CCDC3: variants seen among roughly 807,000 people sequenced by gnomAD.
CCDC3 encodes coiled-coil domain containing 3.
A neutral mutation model predicts 21.4 loss-of-function variants in CCDC3; 24 were observed. The observed-to-expected ratio is 1.12, with a 90% CI of 0.81 to 1.58. CCDC3 has a LOEUF of 1.58. Among genes scored for constraint, CCDC3 ranks in the 40% most tolerant of loss-of-function variants. The pLI is 0.00. For missense variants in CCDC3, 425 were observed against 360.9 expected (o/e 1.18, Z -1.44); for synonymous variants, 186 against 166.0 (o/e 1.12, Z -0.93).
At chr10:13,068,227 G>C (rs933586957) in intron 4 of CCDC3, among the ~76,000 whole-genome samples, 13 of 151,968 alleles carry the variant, frequency 8.6e-5, no homozygotes, top group Admixed American at 5.2e-4. Flanking sequence ...TGTTTTTCTG[G>C]CCCTGTCTCT....
chr10:13,084,231 C>T (rs919959311), intron 3 of CCDC3, among the ~76,000 whole-genome samples: 38 of 151,930 alleles, frequency 2.5e-4, no homozygotes, highest in African/African-American at 7.7e-4. Flanking sequence ...CCTTCGGGAA[C>T]GCCCTACCCT....
intron 2 of CCDC3, among the ~76,000 whole-genome samples, chr10:12,935,213 C>T (rs370539483): frequency 8.5e-5 from 13 of 152,262 alleles, no homozygotes; most frequent in South Asian, 6.2e-4. Flanking sequence ...TTATAGACAA[C>T]AGATATTTGG....
At chr10:13,047,467 G>T (rs1836544041) in intron 5 of CCDC3, among the ~76,000 whole-genome samples, 1 of 152,152 alleles carries the variant, frequency 6.6e-6, no homozygotes, top group African/African-American at 2.4e-5. Context: ...TTTGGGGAAA[G>T]CTTTCTATTC....
intron 5 of CCDC3, among the ~76,000 whole-genome samples, chr10:13,046,239 C>G (rs1056458610): frequency 1.3e-5 from 2 of 151,694 alleles, no homozygotes; most frequent in African/African-American, 4.8e-5. Context: ...GACCTCATCT[C>G]TACAACAAAT....
intron 2 of CCDC3, among the ~76,000 whole-genome samples, chr10:12,981,476 G>C (rs777641604): frequency 1.3e-5 from 2 of 152,022 alleles, no homozygotes; most frequent in African/African-American, 4.8e-5. Context: ...GTGAGCCACC[G>C]TGCCCAGCCC....
At chr10:12,988,795 T>A (rs945355348) in intron 2 of CCDC3, among the ~76,000 whole-genome samples, 1 of 152,336 alleles carries the variant, frequency 6.6e-6, no homozygotes, top group Middle Eastern at 3.4e-3. Flanking sequence ...TGTTCCCTTT[T>A]GTATCCCCAG....
chr10:12,919,586 TA>T (rs11413349), intron 2 of CCDC3, among the ~76,000 whole-genome samples: 19 of 130,882 alleles, frequency 1.5e-4, no homozygotes, highest in Admixed American at 1.6e-4. Context: ...CAAGACTGTC[TA>T]AAAAAAAAAA....
At chr10:12,971,739 G>A (rs1042887252) in intron 2 of CCDC3, among the ~76,000 whole-genome samples, 6 of 152,192 alleles carry the variant, frequency 3.9e-5, no homozygotes, top group East Asian at 1.9e-4. Context: ...AGGCTGGAGT[G>A]CAGTGGCGCA....
chr10:13,077,637 C>CTTG (rs1554766170), intron 3 of CCDC3, among the ~76,000 whole-genome samples: 9 of 151,190 alleles, frequency 6.0e-5, no homozygotes, highest in Admixed American at 1.3e-4. Flanking sequence ...ACCAAAACAG[C>CTTG]ACAGTACTGG....
At chr10:12,908,780 A>ATG (rs1421904194) in intron 2 of CCDC3, among the ~76,000 whole-genome samples, 6 of 151,984 alleles carry the variant, frequency 3.9e-5, no homozygotes, top group Middle Eastern at 3.4e-3. Flanking sequence ...TTTAGCAGAG[A>ATG]CAGGGTTTCA....
rs142747936 is a variant in CCDC3 at position 13,056,928 on chromosome 10, C to G, written c.-269-6987G>C. On this transcript the variant is annotated intron_variant, in intron 4 of 6. Transcript: ENST00000378839. The stretch of plus-strand genomic sequence containing the variant: ...CAGCTGAGTATCATGGAAGGCAAGA[C>G]TGGAGTCAAAAGACCTGGGTCCTAG... Among the ~76,000 whole-genome samples, 50 of 152,268 alleles carry G rather than the reference C, an allele frequency of 3.3e-4. No homozygotes were observed. In the East Asian group the frequency reaches 9.5e-3, roughly 29 times the overall value.
At chr10:13,093,338 C>T (rs964134776) in intron 3 of CCDC3, among the ~76,000 whole-genome samples, 2 of 152,028 alleles carry the variant, frequency 1.3e-5, no homozygotes, top group Admixed American at 6.5e-5. Flanking sequence ...TTATTCACTA[C>T]CATGAGAACA....
chr10:12,957,983 C>T (rs147162630), intron 2 of CCDC3, among the ~76,000 whole-genome samples: 153 of 152,242 alleles, frequency 1.0e-3, no homozygotes, highest in Non-Finnish European at 1.7e-3. Context: ...GCTCACACCA[C>T]GTCTGGCTAA....
chr10:13,007,081 A>T (rs495700), intron 5 of CCDC3, among the ~76,000 whole-genome samples: 36 of 152,020 alleles, frequency 2.4e-4, no homozygotes, highest in Admixed American at 1.1e-3. Context: ...CGATGGCATC[A>T]TCCTGTACTA....
At chr10:12,923,719 G>C (rs1268687374) in intron 2 of CCDC3, among the ~76,000 whole-genome samples, 1 of 152,176 alleles carries the variant, frequency 6.6e-6, no homozygotes, top group Non-Finnish European at 1.5e-5. Context: ...CAGCATCTGT[G>C]TTTGACTCCG....
In CCDC3 at chr10:13,010,840, G is replaced by A. The variant is rs182516659; in HGVS notation, c.-1-12328C>T. On this transcript the variant is annotated intron_variant, in intron 5 of 6. Coordinates refer to the CCDC3 transcript ENST00000378839. ...CAGGTGACAGAGTAGTCAAGCAAGT[G>A]GATTTCCTCTACCAATTCATTTGCT... is the stretch of plus-strand genomic sequence containing the variant. 1.3e-3 allele frequency among the ~76,000 whole-genome samples: 197 copies of A among 152,268 alleles called. 1 individual carries two copies. The highest frequency in any genetic ancestry group is 2.2e-3 in the Admixed American group (34 of 15,306).
At chr10:12,986,631 G>A (rs531774731) in intron 2 of CCDC3, among the ~76,000 whole-genome samples, 4 of 152,072 alleles carry the variant, frequency 2.6e-5, no homozygotes, top group South Asian at 2.1e-4. Flanking sequence ...AAAATTAGCT[G>A]GGCGTGGTGG....
chr10:12,996,520 G>C (rs11258115), intron 2 of CCDC3, among the ~76,000 whole-genome samples: 5 of 152,170 alleles, frequency 3.3e-5, no homozygotes, highest in African/African-American at 9.7e-5. Flanking sequence ...ATTTTTAGTA[G>C]AGACAGGGTT....
chr10:13,074,449 G>A (rs1343174519), intron 3 of CCDC3, among the ~76,000 whole-genome samples: 1 of 146,722 alleles, frequency 6.8e-6, no homozygotes, highest in Non-Finnish European at 1.5e-5. Context: ...ACCTCCCAAA[G>A]TGCTGGGATT....
Sources: gnomAD v4.1 joint callset for allele counts (sites outside exome capture counted in the v4.1 genomes callset) on GRCh38, gnomAD v4.1.1 for gene constraint, MANE v1.5 for transcripts, NCBI Gene and HGNC (gene_info 2026-07-23, HGNC 2026-07-21) for gene names.